ZNF653: variants seen among roughly 807,000 people sequenced by gnomAD.
The protein encoded by ZNF653 is zinc finger protein 653.
ZNF653 carries 37 observed loss-of-function variants against 59.9 expected under a neutral mutation model. That is an observed-to-expected ratio of 0.62 (90% CI 0.48 to 0.81). The LOEUF (loss-of-function observed/expected upper bound fraction) is 0.81, where lower values mean the gene tolerates loss of function less well. Among genes scored for constraint, ZNF653 ranks in the 40% least tolerant of loss-of-function variants. The pLI is 0.00. For synonymous variants in ZNF653, 435 were observed against 371.8 expected, an observed-to-expected ratio of 1.17 and a Z score of -1.96; for missense variants, 808 against 881.1, an observed-to-expected ratio of 0.92 and a Z score of 1.05.
rs950834110 is a variant in ZNF653 at position 11,487,151 on chromosome 19, C to T, written c.1179G>A (p.Glu393=). The T allele has an allele frequency of 6.2e-7, 1 of 1,611,092 alleles. No homozygotes were observed. The highest frequency in any genetic ancestry group is 1.3e-5 in the African/African-American group (1 of 74,944). ...CCTCCTTCTTTAGCAAGCACAGGTC[C>T]TCCTTCTCTACAGGGTGGACACAGG... is the stretch of plus-strand genomic sequence containing the variant. ...VAGIETKKEK[E]DLCLLKKEEK... The change falls in exon 5 of 9, where the codon GAG becomes GAA. Residue 393 remains glutamate, a synonymous_variant. Coordinates refer to ENST00000293771, the MANE Select transcript of ZNF653 (RefSeq NM_138783.4). This position sits in a 1 kb window ranked among gnomAD's most constrained non-coding sequence, Gnocchi z 5.1.
chr19:11,492,351 AAT>A (rs1396543254), intron 3 of ZNF653, among the ~76,000 whole-genome samples: 18 of 151,922 alleles, frequency 1.2e-4, no homozygotes, highest in Admixed American at 1.1e-3. Flanking sequence ...CCTGTATTTT[AAT>A]TAATTTATTT....
chr19:11,499,109 T>C (rs311799), intron 1 of ZNF653, among the ~76,000 whole-genome samples: 41,342 of 152,076 alleles, frequency 0.27, 10,410 homozygotes, highest in African/African-American at 0.67. Flanking sequence ...CCAATTGCCA[T>C]CAGCCCTGGG....
At chr19:11,504,369 C>A (rs1272304767) in intron 1 of ZNF653, 6 of 254,884 alleles carry the variant, frequency 2.4e-5, no homozygotes, top group Non-Finnish European at 3.7e-5. Flanking sequence ...CCACTGCACT[C>A]CAGCCTGGGC....
In ZNF653 at chr19:11,483,563, C is replaced by T. The variant is rs1301198942; in HGVS notation, c.*119G>A. 2.8e-6 allele frequency: 4 copies of T among 1,435,288 alleles called. No homozygotes were observed. The highest frequency in any genetic ancestry group is 3.7e-6 in the Non-Finnish European group (4 of 1,091,142). 88.9% of individuals were successfully genotyped at this position (1,435,288 alleles called of 1,614,324 possible). ...CAGGGGGCCCAGCTCTGGGGCGGGG[C>T]GGGGGCGCCTCCTTCCGGCCCGCGG... On this transcript the variant is annotated 3_prime_UTR_variant, in exon 9 of 9. Transcript: ENST00000293771.
chr19:11,485,110 CTGTGA>C (rs1339335271), intron 7 of ZNF653, among the ~76,000 whole-genome samples: 16 of 152,028 alleles, frequency 1.1e-4, no homozygotes, highest in Admixed American at 7.2e-4. Context: ...TTCTGACCTC[CTGTGA>C]TATCAGAAGC....
In ZNF653 at chr19:11,505,668, G is replaced by A. The variant is rs1246903609; in HGVS notation, c.119C>T (p.Thr40Met). The A allele has an allele frequency of 4.0e-6, 6 of 1,493,252 alleles. No homozygotes were observed. The highest frequency in any genetic ancestry group is 2.8e-5 in the East Asian group (1 of 35,220). The allele number at this position is 1,493,252 out of a possible 1,614,324, so 92.5% of individuals were successfully genotyped here. A position where few individuals can be genotyped will look rare whatever the true frequency, so the allele number is the denominator to read the frequency against. The change falls in exon 1 of 9, where the codon ACG becomes ATG. Residue 40 changes from threonine (T) to methionine (M), a missense_variant. Physicochemically the swap from Thr to Met is moderately conservative, Grantham distance 81. Transcript: ENST00000293771. The stretch of plus-strand genomic sequence containing the variant: ...CCGTCGCCGGGCCCGGTCCGACTCC[G>A]TGAGTCGCGGCCGGCCCCGCGCCTT... The part of the protein sequence containing the change: ...GRKARGRPRL[T>M]ESDRARRRLE...
chr19:11,496,372 A>C (rs1971588628), intron 2 of ZNF653, among the ~76,000 whole-genome samples: 1 of 152,186 alleles, frequency 6.6e-6, no homozygotes, highest in Non-Finnish European at 1.5e-5. Flanking sequence ...TTCTATTGGC[A>C]AAGTCATGTA....
At chr19:11,483,939 G>A (rs992775420) in intron 8 of ZNF653, 80 bp from the exon 9 acceptor site, 1 of 1,518,060 alleles carries the variant, frequency 6.6e-7, no homozygotes, top group East Asian at 2.5e-5. Flanking sequence ...GAGCGCAGGT[G>A]GAACCGGGCC....
Position 11,487,136 on chromosome 19 carries a change from T to C in ZNF653, c.1194A>G (p.Leu398=), listed in dbSNP as rs1971475904. The C allele has an allele frequency of 6.2e-7, 1 of 1,612,260 alleles. No individual in the cohort carries two copies. The highest frequency in any genetic ancestry group is 1.3e-5 in the African/African-American group (1 of 75,040). The change falls in exon 5 of 9, where the codon CTA becomes CTG. Residue 398 remains leucine, a synonymous_variant. Transcript: ENST00000293771. This position sits in a 1 kb window ranked among gnomAD's most constrained non-coding sequence, Gnocchi z 5.1. ...CTGGCTCCTCCTTCTCCTCCTTCTTTAGCAAGCACAGGTCCTCCTTCTCTA... is the reference window on the plus strand; with the variant it reads ...CTGGCTCCTCCTTCTCCTCCTTCTTCAGCAAGCACAGGTCCTCCTTCTCTA... ...TKKEKEDLCL[L]KKEEKEEPVA... is the part of the protein sequence containing the mutation.
intron 1 of ZNF653, among the ~76,000 whole-genome samples, chr19:11,499,843 G>T: frequency 6.6e-6 from 1 of 152,116 alleles, no homozygotes; most frequent in African/African-American, 2.4e-5. Context: ...GCCTGGGGAG[G>T]TCAAGGCTGC....
At chr19:11,498,213 G>A (rs1322309128) in intron 2 of ZNF653, 83 bp downstream of exon 2, 56 of 1,593,612 alleles carry the variant, frequency 3.5e-5, no homozygotes, top group Non-Finnish European at 4.5e-5. Flanking sequence ...CTAGGGCAGC[G>A]ACCTGGCCTC....
intron 1 of ZNF653, among the ~76,000 whole-genome samples, chr19:11,503,921 C>A (rs967891550): frequency 1.3e-5 from 2 of 151,788 alleles, no homozygotes; most frequent in African/African-American, 4.8e-5. Context: ...CTGGGCAACA[C>A]AGGGAAACCT....
At chr19:11,499,230 A>G (rs912925418) in intron 1 of ZNF653, among the ~76,000 whole-genome samples, 1 of 152,200 alleles carries the variant, frequency 6.6e-6, no homozygotes, top group Admixed American at 6.5e-5. Context: ...CAAAGTGGGT[A>G]TGAAAAGTTT....
rs572729044 is a variant in ZNF653 at position 11,483,561 on chromosome 19, G to C, written c.*121C>G. 1 of 1,434,324 alleles carries C rather than the reference G, an allele frequency of 7.0e-7. No homozygotes were observed. Among genetic ancestry groups the C allele is most frequent in the Admixed American group, 2.8e-5 (1 of 35,652 alleles). 88.8% of individuals were successfully genotyped at this position (1,434,324 alleles called of 1,614,324 possible). A position where few individuals can be genotyped will look rare whatever the true frequency, so the allele number is the denominator to read the frequency against. ...CCCAGGGGGCCCAGCTCTGGGGCGG[G>C]GCGGGGGCGCCTCCTTCCGGCCCGC... On this transcript the variant is annotated 3_prime_UTR_variant, in exon 9 of 9. Transcript: ENST00000293771.
intron 1 of ZNF653, among the ~76,000 whole-genome samples, chr19:11,499,481 C>A (rs572767624): frequency 1.3e-5 from 2 of 151,846 alleles, no homozygotes; most frequent in Admixed American, 1.3e-4. Flanking sequence ...ACAGTGGGTA[C>A]TGTCTGGGTG....
chr19:11,503,520 C>A (rs1004373363), intron 1 of ZNF653, among the ~76,000 whole-genome samples: 6 of 152,240 alleles, frequency 3.9e-5, no homozygotes, highest in African/African-American at 1.2e-4. Context: ...AGTAAACAAG[C>A]CTTTTGCCAG....
At chr19:11,502,810 G>A (rs1366214193) in intron 1 of ZNF653, among the ~76,000 whole-genome samples, 5 of 152,166 alleles carry the variant, frequency 3.3e-5, no homozygotes, top group African/African-American at 9.7e-5. Flanking sequence ...GAGGCAGGCA[G>A]ACCTCTTGAG....
Position 11,495,632 on chromosome 19 carries a change from G to C in ZNF653, c.559+318C>G. 2.5e-6 allele frequency: 1 copy of C among 395,842 alleles called. No individual in the cohort carries two copies. The highest frequency in any genetic ancestry group is 5.5e-5 in the East Asian group (1 of 18,032). 24.5% of individuals were successfully genotyped at this position (395,842 alleles called of 1,614,324 possible). A position where few individuals can be genotyped will look rare whatever the true frequency, so the allele number is the denominator to read the frequency against. ...GCTGTGGGGGCCGAGCCCTGCCCCA[G>C]CAGGCCTGCCCCCGCCCCAGCTGCC... On this transcript the variant is annotated intron_variant, in intron 3 of 8. Transcript: ENST00000293771. This position sits in a 1 kb window ranked among gnomAD's most constrained non-coding sequence, Gnocchi z 4.9.
intron 3 of ZNF653, among the ~76,000 whole-genome samples, chr19:11,492,311 G>T (rs113393966): frequency 6.6e-6 from 1 of 152,062 alleles, no homozygotes; most frequent in African/African-American, 2.4e-5. Context: ...CCAAAGTGCT[G>T]GGATTACAGG....
Sources: allele counts gnomAD v4.1 joint callset (sites outside exome capture counted in the v4.1 genomes callset), GRCh38; gene constraint gnomAD v4.1.1; non-coding constraint Gnocchi (gnomAD v3.1); transcripts MANE v1.5; gene names NCBI Gene and HGNC (gene_info 2026-07-23, HGNC 2026-07-21).